The following RBFOX1 variants were observed in gnomAD, a reference collection of about 807,000 sequenced individuals.
The protein encoded by RBFOX1 is RNA binding protein fox-1 homolog 1.
Under a neutral mutation model 57.7 loss-of-function variants are expected in RBFOX1, and 8 were observed. The observed-to-expected ratio is 0.14, with a 90% CI of 0.08 to 0.25. The LOEUF is 0.25. RBFOX1 is among the 10% of genes least tolerant of loss of function. RBFOX1 has a pLI of 1.00. For missense variants in RBFOX1, 611 were observed against 548.5 expected (o/e 1.11, Z -1.14); for synonymous variants, 326 against 222.4 (o/e 1.47, Z -4.15).
intron 5 of RBFOX1, among the ~76,000 whole-genome samples, chr16:7,523,013 G>C (rs756705526): frequency 1.1e-4 from 17 of 152,032 alleles, no homozygotes; most frequent in South Asian, 4.2e-4. Context: ...CTCATCCCCA[G>C]GGAACCAGTG....
chr16:7,073,427 G>A lies in RBFOX1; in HGVS notation c.27+21329G>A, dbSNP rs138801162. On this transcript the variant is annotated intron_variant, in intron 4 of 15. Transcript: ENST00000550418. ...TCAAGAGCATGCATGAGTTAGCCGA[G>A]CGCTGCCAGAACAAAACTCAACCAC... Among the ~76,000 whole-genome samples the A allele has an allele frequency of 3.9e-5, 6 of 152,226 alleles. No homozygotes were observed. The East Asian group carries it at 9.7e-4, about 25-fold the overall frequency.
chr16:6,937,071 A>G (rs1239887791), intron 3 of RBFOX1, among the ~76,000 whole-genome samples: 1 of 152,068 alleles, frequency 6.6e-6, no homozygotes, highest in African/African-American at 2.4e-5. Flanking sequence ...GTGCACATGT[A>G]CCCTAAAACT....
At chr16:6,941,617 C>A (rs184930765) in intron 3 of RBFOX1, among the ~76,000 whole-genome samples, 1 of 151,720 alleles carries the variant, frequency 6.6e-6, no homozygotes, top group Non-Finnish European at 1.5e-5. Flanking sequence ...CCCTCCTCTG[C>A]CCTTCATACC....
chr16:7,150,260 C>A (rs1309885623), intron 4 of RBFOX1, among the ~76,000 whole-genome samples: 2 of 152,330 alleles, frequency 1.3e-5, no homozygotes, highest in East Asian at 3.9e-4. Context: ...AGAGACGCCT[C>A]CACCTATCTG....
intron 3 of RBFOX1, among the ~76,000 whole-genome samples, chr16:6,657,095 TTACTC>T (rs2098663122): frequency 6.4e-5 from 3 of 47,024 alleles, no homozygotes; most frequent in African/African-American, 3.1e-4. Flanking sequence ...CTCCTCCCCT[TTACTC>T]TCCTCTCCTC....
chr16:6,399,935 A>G (rs567542420), intron 2 of RBFOX1, among the ~76,000 whole-genome samples: 3 of 152,154 alleles, frequency 2.0e-5, no homozygotes, highest in Non-Finnish European at 4.4e-5. Context: ...GTGAGAACTC[A>G]CCCACTATCA....
chr16:6,170,660 C>T (rs532942815), intron 1 of RBFOX1, among the ~76,000 whole-genome samples: 5 of 152,146 alleles, frequency 3.3e-5, no homozygotes, highest in South Asian at 4.1e-4. Context: ...ACCCGTGTCA[C>T]GGGGGTTTGT....
chr16:6,788,632 T>C (rs574365941), intron 3 of RBFOX1, among the ~76,000 whole-genome samples: 16 of 151,738 alleles, frequency 1.1e-4, no homozygotes, highest in Non-Finnish European at 2.1e-4. Flanking sequence ...CCTACGACCA[T>C]GCCCAGCTGA....
At chr16:6,852,461 A>G (rs913694615) in intron 3 of RBFOX1, among the ~76,000 whole-genome samples, 8 of 152,198 alleles carry the variant, frequency 5.3e-5, no homozygotes, top group African/African-American at 9.6e-5. Context: ...CTGAGTGGCT[A>G]TTATCTGGCT....
chr16:7,398,851 T>G (rs1018097214), intron 4 of RBFOX1, among the ~76,000 whole-genome samples: 15 of 152,198 alleles, frequency 9.9e-5, no homozygotes, highest in African/African-American at 3.6e-4. Context: ...ATGTAATCCT[T>G]GTACTAAAGT....
chr16:7,584,445 ACC>A, intron 6 of RBFOX1, among the ~76,000 whole-genome samples: 1 of 152,112 alleles, frequency 6.6e-6, no homozygotes, highest in Non-Finnish European at 1.5e-5. Context: ...GGCTCCTACC[ACC>A]ATGACTGGGT....
chr16:7,436,392 A>G (rs1465435168), intron 4 of RBFOX1, among the ~76,000 whole-genome samples: 1 of 152,174 alleles, frequency 6.6e-6, no homozygotes, highest in Non-Finnish European at 1.5e-5. Context: ...ATATTTTGTA[A>G]TAACTGGAAT....
chr16:6,471,663 G>A (rs1163930348), intron 2 of RBFOX1, among the ~76,000 whole-genome samples: 1 of 151,934 alleles, frequency 6.6e-6, no homozygotes, highest in Non-Finnish European at 1.5e-5. Context: ...TGACAGGCTG[G>A]CCCACCAGCT....
intron 1 of RBFOX1, among the ~76,000 whole-genome samples, chr16:6,074,585 G>C (rs1385961889): frequency 6.6e-6 from 1 of 152,190 alleles, no homozygotes; most frequent in African/African-American, 2.4e-5. Flanking sequence ...TAGGTGAAAT[G>C]GGGTCTTGCA....
intron 4 of RBFOX1, among the ~76,000 whole-genome samples, chr16:7,473,210 T>G (rs1382047343): frequency 2.0e-5 from 3 of 152,004 alleles, no homozygotes; most frequent in Admixed American, 1.3e-4. Context: ...AAACGCCATT[T>G]CTACTAAAAA....
chr16:7,426,576 G>A (rs932821615), intron 4 of RBFOX1, among the ~76,000 whole-genome samples: 66 of 152,166 alleles, frequency 4.3e-4, no homozygotes, highest in African/African-American at 1.5e-3. Flanking sequence ...AAACCAAATA[G>A]ATGCGCCAAG....
At chr16:5,625,458 T>C (rs2048321182) in intron 3 of RBFOX1, among the ~76,000 whole-genome samples, 1 of 152,180 alleles carries the variant, frequency 6.6e-6, no homozygotes, top group Non-Finnish European at 1.5e-5. Flanking sequence ...CTCACTGGTG[T>C]GCCTGACCGC....
chr16:6,905,733 T>G (rs2069706220), intron 3 of RBFOX1, among the ~76,000 whole-genome samples: 1 of 152,164 alleles, frequency 6.6e-6, no homozygotes, highest in African/African-American at 2.4e-5. Flanking sequence ...CTCCAATGCC[T>G]GAGGCAAGTT....
At chr16:5,893,721 G>A (rs1044758844) in intron 4 of RBFOX1, among the ~76,000 whole-genome samples, 1 of 151,790 alleles carries the variant, frequency 6.6e-6, no homozygotes, top group Non-Finnish European at 1.5e-5. Context: ...CATAAGAATT[G>A]CTTGAACCCA....
Sources: allele counts gnomAD v4.1 joint callset (sites outside exome capture counted in the v4.1 genomes callset), GRCh38; gene constraint gnomAD v4.1.1; transcripts MANE v1.5; gene names NCBI Gene and HGNC (gene_info 2026-07-23, HGNC 2026-07-21).